THEMIS: variants seen among roughly 807,000 people sequenced by gnomAD.
THEMIS encodes the protein thymocyte selection associated.
THEMIS carries 37 observed loss-of-function variants against 52.6 expected under a neutral mutation model. The observed-to-expected ratio is 0.70, with a 90% CI of 0.54 to 0.93. The LOEUF (loss-of-function observed/expected upper bound fraction) is 0.93. THEMIS is among the 40% of genes least tolerant of loss of function. The pLI, the probability that THEMIS is intolerant of heterozygous loss-of-function variation, is 0.00. For missense variants in THEMIS, 808 were observed against 763.1 expected, an observed-to-expected ratio of 1.06 and a Z score of -0.69; for synonymous variants, 292 against 272.7, an observed-to-expected ratio of 1.07 and a Z score of -0.70.
At chr6:127,864,538 G>A (rs558363290) in intron 1 of THEMIS, among the ~76,000 whole-genome samples, 1 of 152,212 alleles carries the variant, frequency 6.6e-6, no homozygotes, top group South Asian at 2.1e-4. Flanking sequence ...GAGAAGATGA[G>A]TTGGGCCTGA....
At chr6:127,714,734 C>T (rs541308034) in intron 5 of THEMIS, among the ~76,000 whole-genome samples, 1 of 151,952 alleles carries the variant, frequency 6.6e-6, no homozygotes, top group African/African-American at 2.4e-5. Flanking sequence ...TCTACCATCC[C>T]CCAGCACCTC....
chr6:127,869,115 A>G (rs999573023), intron 1 of THEMIS, among the ~76,000 whole-genome samples: 2 of 152,222 alleles, frequency 1.3e-5, no homozygotes, highest in African/African-American at 4.8e-5. Flanking sequence ...TATGTATGAT[A>G]TTTATTAAAC....
Position 127,740,565 on chromosome 6 carries a change from T to C in THEMIS, c.1759-20742A>G, listed in dbSNP as rs148345026. Among the ~76,000 whole-genome samples the C allele has an allele frequency of 2.0e-4, 31 of 152,300 alleles. 2 individuals are homozygous for C. The East Asian group carries it at 3.7e-3, about 18-fold the overall frequency. Reference sequence around the variant, plus strand: ...AACTTCCCAATGTCATCAAAAAGGGTGACCATATATAAGTCCAGGCTTGTT... The same window carrying C: ...AACTTCCCAATGTCATCAAAAAGGGCGACCATATATAAGTCCAGGCTTGTT... On this transcript the variant is annotated intron_variant, in intron 4 of 5. Coordinates refer to ENST00000368248, the MANE Select transcript of THEMIS (RefSeq NM_001010923.3).
intron 2 of THEMIS, among the ~76,000 whole-genome samples, chr6:127,846,270 C>T (rs1002554574): frequency 1.3e-5 from 2 of 151,862 alleles, no homozygotes; most frequent in African/African-American, 4.8e-5. Flanking sequence ...ACAATTGCCA[C>T]ATTATAGCAT....
chr6:127,740,636 T>G (rs1775170415), intron 4 of THEMIS, among the ~76,000 whole-genome samples: 2 of 152,128 alleles, frequency 1.3e-5, no homozygotes, highest in South Asian at 4.1e-4. Context: ...TAACGGCCAT[T>G]TTTTTCTTTA....
In THEMIS at chr6:127,830,371, C is replaced by T. The variant is rs1583326137; in HGVS notation, c.251-437G>A. Among the ~76,000 whole-genome samples the T allele has an allele frequency of 1.1e-4, 16 of 152,120 alleles. No homozygotes were observed. In the South Asian group the frequency reaches 3.3e-3, roughly 32 times the overall value. On this transcript the variant is annotated intron_variant, in intron 2 of 5. Coordinates refer to ENST00000368248, the MANE Select transcript of THEMIS (RefSeq NM_001010923.3). ...AGACACACTAAAATTAAAAGATATTCCCAAAGGGAACTGATTTGTAGTCAC... is the reference window on the plus strand; with the variant it reads ...AGACACACTAAAATTAAAAGATATTTCCAAAGGGAACTGATTTGTAGTCAC...
intron 4 of THEMIS, among the ~76,000 whole-genome samples, chr6:127,767,080 A>C (rs558932485): frequency 6.6e-4 from 100 of 151,998 alleles, no homozygotes; most frequent in African/African-American, 2.2e-3. Flanking sequence ...AGATGTACAA[A>C]AATATTTTCT....
upstream of THEMIS, among the ~76,000 whole-genome samples, chr6:127,902,774 C>T (rs1781176623): frequency 6.6e-6 from 1 of 152,032 alleles, no homozygotes; most frequent in Non-Finnish European, 1.5e-5. Context: ...CAGTTTACAG[C>T]CTAGTAGTGT....
chr6:127,722,957 TA>T (rs777554054), intron 4 of THEMIS, among the ~76,000 whole-genome samples: 50 of 152,074 alleles, frequency 3.3e-4, no homozygotes, highest in Non-Finnish European at 6.2e-4. Context: ...TCATTTTTTC[TA>T]CCTCATGCTT....
chr6:127,794,034 C>CA (rs1396741227), intron 4 of THEMIS, among the ~76,000 whole-genome samples: 1 of 152,070 alleles, frequency 6.6e-6, no homozygotes, highest in Non-Finnish European at 1.5e-5. Context: ...TAACAGAACC[C>CA]AGGTAGAAAT....
At chr6:127,822,130 C>T (rs1238276754) in intron 3 of THEMIS, among the ~76,000 whole-genome samples, 1 of 151,896 alleles carries the variant, frequency 6.6e-6, no homozygotes, top group Non-Finnish European at 1.5e-5. Flanking sequence ...ATCTTCATCT[C>T]TCACCCACTC....
At chr6:127,798,524 C>A (rs1777408352) in intron 4 of THEMIS, among the ~76,000 whole-genome samples, 1 of 152,122 alleles carries the variant, frequency 6.6e-6, no homozygotes, top group African/African-American at 2.4e-5. Flanking sequence ...ACTATGATCA[C>A]ACATTTAAAA....
chr6:127,786,081 T>G (rs1776938994), intron 4 of THEMIS, among the ~76,000 whole-genome samples: 1 of 152,138 alleles, frequency 6.6e-6, no homozygotes, highest in Non-Finnish European at 1.5e-5. Context: ...GCTCTAGGTA[T>G]TCAATAAGAT....
At chr6:127,901,403 T>A (rs1781131019), upstream of THEMIS, among the ~76,000 whole-genome samples, 1 of 152,118 alleles carries the variant, frequency 6.6e-6, no homozygotes, top group Admixed American at 6.6e-5. Flanking sequence ...CTCTAGTTCA[T>A]TTCTAAAGCT....
chr6:127,801,558 C>T (rs1777535911), intron 4 of THEMIS, among the ~76,000 whole-genome samples: 1 of 152,082 alleles, frequency 6.6e-6, no homozygotes, highest in African/African-American at 2.4e-5. Context: ...CACTGAGTTT[C>T]GAAACTCTCA....
intron 4 of THEMIS, among the ~76,000 whole-genome samples, chr6:127,754,606 T>A (rs769041557): frequency 2.0e-5 from 3 of 152,200 alleles, no homozygotes; most frequent in Non-Finnish European, 4.4e-5. Context: ...TCCATTCGGT[T>A]TCACAGGGCA....
chr6:127,798,019 A>G (rs1433683107), intron 4 of THEMIS, among the ~76,000 whole-genome samples: 1 of 152,236 alleles, frequency 6.6e-6, no homozygotes, highest in Non-Finnish European at 1.5e-5. Flanking sequence ...TAGACTACAC[A>G]CATGTGTACA....
chr6:127,749,727 C>G (rs1214298557), intron 4 of THEMIS, among the ~76,000 whole-genome samples: 1 of 151,452 alleles, frequency 6.6e-6, no homozygotes, highest in Non-Finnish European at 1.5e-5. Context: ...GTTTCTGGAC[C>G]TTACTAGATT....
chr6:127,866,242 T>C (rs1378639170), intron 1 of THEMIS, among the ~76,000 whole-genome samples: 1 of 152,094 alleles, frequency 6.6e-6, no homozygotes, highest in African/African-American at 2.4e-5. Flanking sequence ...AGTTTGTTCT[T>C]AAAATACATT....
Sources: allele counts gnomAD v4.1 joint callset (sites outside exome capture counted in the v4.1 genomes callset), GRCh38; gene constraint gnomAD v4.1.1; transcripts MANE v1.5; gene names NCBI Gene and HGNC (gene_info 2026-07-23, HGNC 2026-07-21).